HIC1: variants seen among roughly 807,000 people sequenced by gnomAD.
The protein encoded by HIC1 is hypermethylated in cancer 1 protein.
A neutral mutation model predicts 26.4 loss-of-function variants in HIC1; 9 were observed. The observed-to-expected ratio is 0.34, with a 90% CI of 0.21 to 0.59. The LOEUF is 0.59. Ranked by LOEUF, HIC1 falls within the 20% of genes least tolerant of loss-of-function variation. The pLI is 0.82. For synonymous variants in HIC1, 631 were observed against 523.1 expected (o/e 1.21, Z -2.81); for missense variants, 965 against 1,075.7 (o/e 0.90, Z 1.44).
chr17:2,058,655 G>C lies in HIC1; in HGVS notation c.1965G>C (p.Leu655=). 6.4e-7 allele frequency: 1 copy of C among 1,564,044 alleles called. No individual in the cohort carries two copies. Among genetic ancestry groups the C allele is most frequent in the Non-Finnish European group, 8.6e-7 (1 of 1,161,190 alleles). The part of the protein sequence containing the change: ...QQDKAAAAEL[L]AQTTHFLHDP... The stretch of plus-strand genomic sequence containing the variant: ...ACAAGGCGGCCGCGGCCGAGCTGCT[G>C]GCGCAGACCACGCACTTCCTGCACG... Residue 655 remains leucine (L), a synonymous_variant, in exon 2 of 2, where the codon CTG becomes CTC. Coordinates refer to ENST00000619757, the MANE Select transcript of HIC1 (RefSeq NM_006497.4).
At position 2,057,879 on chromosome 17, in the gene HIC1, C is replaced by T; in HGVS notation, c.1189C>T (p.Leu397Phe). ...SEDPSPPGGH[L>F]EGYPCPHLAY... ...GGACCCCAGCCCGCCTGGCGGCCAC[C>T]TCGAGGGCTACCCATGCCCGCACCT... The change falls in exon 2 of 2, where the codon CTC becomes TTC. Residue 397 changes from leucine to phenylalanine, a missense_variant. Physicochemically the swap from Leu to Phe is conservative, Grantham distance 22 (BLOSUM62 0). Transcript: ENST00000619757. 1 of 1,599,464 alleles carries T rather than the reference C, an allele frequency of 6.3e-7. No homozygotes were observed. The highest frequency in any genetic ancestry group is 8.5e-7 in the Non-Finnish European group (1 of 1,173,812).
In HIC1 at chr17:2,058,711, C is replaced by G; in HGVS notation, c.2021C>G (p.Pro674Arg). 2 of 1,539,626 alleles carry G rather than the reference C, an allele frequency of 1.3e-6. No individual in the cohort carries two copies. Among genetic ancestry groups the G allele is most frequent in the Non-Finnish European group, 1.7e-6 (2 of 1,147,202 alleles). The change falls in exon 2 of 2, where the codon CCG (proline) becomes CGG (arginine). Residue 674 changes from proline (P) to arginine (R), a missense_variant. Coordinates refer to ENST00000619757, the MANE Select transcript of HIC1 (RefSeq NM_006497.4). ...DPKVALESLY[P>R]LAKFTAELGL... ...AAGGTGGCGCTGGAGAGCCTCTACCCGCTGGCCAAGTTCACGGCCGAGCTG... is the reference window on the plus strand; with the variant it reads ...AAGGTGGCGCTGGAGAGCCTCTACCGGCTGGCCAAGTTCACGGCCGAGCTG...
At position 2,061,370 on chromosome 17, in the gene HIC1, A is replaced by G; in HGVS notation, c.*2535A>G. ...GCATGGCCGTGGCGTGGGTTGGAAG[A>G]GGATGGTTTATTGTCTGGGTGGATT... is the stretch of plus-strand genomic sequence containing the variant. On this transcript the variant is annotated 3_prime_UTR_variant, in exon 2 of 2. Coordinates refer to ENST00000619757, the MANE Select transcript of HIC1 (RefSeq NM_006497.4). 1.0e-6 allele frequency: 1 copy of G among 976,132 alleles called. No individual in the cohort carries two copies. Among genetic ancestry groups the G allele is most frequent in the Non-Finnish European group, 1.5e-6 (1 of 667,960 alleles). The allele number at this position is 976,132 out of a possible 1,614,324, so 60.5% of individuals were successfully genotyped here. A position where few individuals can be genotyped will look rare whatever the true frequency, so the allele number is the denominator to read the frequency against.
Position 2,059,003 on chromosome 17 carries a change from T to C in HIC1, c.*168T>C, listed in dbSNP as rs1445820067. ...CACCTGGCCTCACTGCTTCGTGCCTTAGCTCGGGGGTCGGGGGAGAACCCC... is the reference window on the plus strand; with the variant it reads ...CACCTGGCCTCACTGCTTCGTGCCTCAGCTCGGGGGTCGGGGGAGAACCCC... On this transcript the variant is annotated 3_prime_UTR_variant, in exon 2 of 2. Transcript: ENST00000619757. 3.6e-6 allele frequency: 2 copies of C among 562,412 alleles called. No individual in the cohort carries two copies. Among genetic ancestry groups the C allele is most frequent in the African/African-American group, 4.0e-5 (2 of 50,028 alleles). 34.8% of individuals were successfully genotyped at this position (562,412 alleles called of 1,614,324 possible). A position where few individuals can be genotyped will look rare whatever the true frequency, so the allele number is the denominator to read the frequency against.
Position 2,057,234 on chromosome 17 carries a change from G to A in HIC1, c.544G>A (p.Ala182Thr). 4.9e-6 allele frequency: 7 copies of A among 1,420,352 alleles called. No individual in the cohort carries two copies. Among genetic ancestry groups the A allele is most frequent in the Non-Finnish European group, 6.4e-6 (7 of 1,090,592 alleles). The allele number at this position is 1,420,352 out of a possible 1,614,324, so 88.0% of individuals were successfully genotyped here. ...SPVGPPPPPA[A>T]EPPSGPEAAV... is the part of the protein sequence containing the mutation. Reference sequence around the variant, plus strand: ...AGTCGGGCCTCCGCCGCCGCCTGCCGCGGAGCCGCCCTCGGGCCCAGAGGC... The same window carrying A: ...AGTCGGGCCTCCGCCGCCGCCTGCCACGGAGCCGCCCTCGGGCCCAGAGGC... Residue 182 changes from alanine (A) to threonine (T), a missense_variant, in exon 2 of 2, where the codon GCG (alanine) becomes ACG (threonine). Around this residue, in one of 6 missense-constraint regions of HIC1, gnomAD observed 526 missense variants for 525.0 expected, o/e 1.00. Transcript: ENST00000619757.
chr17:2,055,400 C>T lies in HIC1; in HGVS notation c.-21+162C>T, dbSNP rs548902819. 6.9e-6 allele frequency among the ~76,000 whole-genome samples: 1 copy of T among 145,522 alleles called. No individual in the cohort carries two copies. The highest frequency in any genetic ancestry group is 2.4e-4 in the East Asian group (1 of 4,172). ...TCGTCCCTTTCGGACTCAGGACCACCGGGCCGCGGCTCCGCGCCGGGTTCA... is the reference window on the plus strand; with the variant it reads ...TCGTCCCTTTCGGACTCAGGACCACTGGGCCGCGGCTCCGCGCCGGGTTCA... On this transcript the variant is annotated intron_variant, in intron 1 of 1. Transcript: ENST00000619757. The surrounding 1 kb of genome is among the most constrained non-coding windows in gnomAD (Gnocchi z 6.4).
Position 2,056,704 on chromosome 17 carries a change from T to C in HIC1, c.14T>C (p.Met5Thr). 1 of 1,602,422 alleles carries C rather than the reference T, an allele frequency of 6.2e-7. No homozygotes were observed. The highest frequency in any genetic ancestry group is 8.5e-7 in the Non-Finnish European group (1 of 1,173,952). ...GCTGGGCAGACGATGCTGGACACGA[T>C]GGAGGCGCCCGGCCACTCCAGGCAG... Reference protein sequence around the residue: MLDTMEAPGHSRQLL... With the variant: MLDTTEAPGHSRQLL... Residue 5 changes from methionine (M) to threonine (T), a missense_variant, in exon 2 of 2, where the codon ATG becomes ACG. This residue lies in a region of HIC1 where 64 missense variants were observed against 114.0 expected (regional missense o/e 0.56). Coordinates refer to ENST00000619757, the MANE Select transcript of HIC1 (RefSeq NM_006497.4).
At position 2,058,156 on chromosome 17, in the gene HIC1, G is replaced by C; in HGVS notation, c.1466G>C (p.Arg489Pro). The C allele has an allele frequency of 6.2e-7, 1 of 1,608,914 alleles. No homozygotes were observed. Among genetic ancestry groups the C allele is most frequent in the Non-Finnish European group, 8.5e-7 (1 of 1,179,574 alleles). ...CTGGGAGAGCTGCTGCGGCCCTACC[G>C]CTGCGCGTCGTGCGACAAGAGCTAC... ...GGLGELLRPYRCASCDKSYKD... is the reference protein window; with the variant it reads ...GGLGELLRPYPCASCDKSYKD... Residue 489 changes from arginine (R) to proline (P), a missense_variant, in exon 2 of 2, where the codon CGC becomes CCC. Physicochemically the swap from Arg to Pro is moderately radical, Grantham distance 103. Around this residue, in one of 6 missense-constraint regions of HIC1, gnomAD observed 105 missense variants for 101.4 expected, o/e 1.04. Coordinates refer to ENST00000619757, the MANE Select transcript of HIC1 (RefSeq NM_006497.4).
rs975985838 is a variant in HIC1, at chr17:2,063,063, T to C, written c.*4228T>C. Reference sequence around the variant, plus strand: ...TGGGGTGGTGGTATGCAGGGCTGTGTGGGGCTCCCAGCTGACTGGCTGCGT... The same window carrying C: ...TGGGGTGGTGGTATGCAGGGCTGTGCGGGGCTCCCAGCTGACTGGCTGCGT... On this transcript the variant is annotated 3_prime_UTR_variant, in exon 2 of 2. Transcript: ENST00000619757. 6 of 152,284 alleles carry C rather than the reference T, an allele frequency of 3.9e-5. No homozygotes were observed. Among genetic ancestry groups the C allele is most frequent in the African/African-American group, 1.4e-4 (6 of 41,510 alleles). The allele number at this position is 152,284 out of a possible 1,614,324, so 9.4% of individuals were successfully genotyped here. A position where few individuals can be genotyped will look rare whatever the true frequency, so the allele number is the denominator to read the frequency against.
At position 2,055,431 on chromosome 17, in the gene HIC1, G is replaced by A. The variant is rs2067662427; in HGVS notation, c.-21+193G>A. 6.6e-6 allele frequency among the ~76,000 whole-genome samples: 1 copy of A among 151,932 alleles called. No homozygotes were observed. Among genetic ancestry groups the A allele is most frequent in the Non-Finnish European group, 1.5e-5 (1 of 67,914 alleles). ...GCGGCTCCGCGCCGGGTTCACGGCG[G>A]GGTCAGCGGCCCGGGGCCGGCTCTG... On this transcript the variant is annotated intron_variant, in intron 1 of 1. Transcript: ENST00000619757. This position sits in a 1 kb window ranked among gnomAD's most constrained non-coding sequence, Gnocchi z 6.4.
rs1199664237 is a variant in HIC1, at chr17:2,055,716, C to T, written c.-21+478C>T. Among the ~76,000 whole-genome samples, 1 of 151,652 alleles carries T rather than the reference C, an allele frequency of 6.6e-6. No homozygotes were observed. The highest frequency in any genetic ancestry group is 2.4e-5 in the African/African-American group (1 of 41,366). ...GGGGAGCTCAGGGCTCGGCTCCGGG[C>T]TCTGCCGCCGGATTTGGGGGCCGCG... On this transcript the variant is annotated intron_variant, in intron 1 of 1. Transcript: ENST00000619757. The surrounding 1 kb of genome is among the most constrained non-coding windows in gnomAD (Gnocchi z 6.4).
In HIC1 at chr17:2,059,283, G is replaced by A. The variant is rs1376139755; in HGVS notation, c.*448G>A. 7 of 177,342 alleles carry A rather than the reference G, an allele frequency of 3.9e-5. No individual in the cohort carries two copies. Among genetic ancestry groups the A allele is most frequent in the African/African-American group, 2.4e-5 (1 of 41,884 alleles). The allele number at this position is 177,342 out of a possible 1,614,324, so 11.0% of individuals were successfully genotyped here. On this transcript the variant is annotated 3_prime_UTR_variant, in exon 2 of 2. Transcript: ENST00000619757. ...GTCGGGCAGAGTTGGGGAGTGGGGA[G>A]GGGACTGAGCCGGCCGGAGGGCCCC...
chr17:2,058,481 G>T lies in HIC1; in HGVS notation c.1791G>T (p.Gly597=). The change falls in exon 2 of 2, where the codon GGG becomes GGT. Residue 597 remains glycine (G), a synonymous_variant. Coordinates refer to ENST00000619757, the MANE Select transcript of HIC1 (RefSeq NM_006497.4). ...GCCACATGAAGATGCACGCCGTGGG[G>T]GGCGCGGCCGGCGCGGCCGGGGCGC... ...LISHMKMHAV[G]GAAGAAGALA... The T allele has an allele frequency of 6.7e-7, 1 of 1,503,394 alleles. No homozygotes were observed. Among genetic ancestry groups the T allele is most frequent in the Non-Finnish European group, 8.8e-7 (1 of 1,136,124 alleles). 93.1% of individuals were successfully genotyped at this position (1,503,394 alleles called of 1,614,324 possible).
At position 2,061,210 on chromosome 17, in the gene HIC1, G is replaced by C; in HGVS notation, c.*2375G>C. 2.7e-6 allele frequency: 1 copy of C among 372,234 alleles called. No homozygotes were observed. Among genetic ancestry groups the C allele is most frequent in the Non-Finnish European group, 5.1e-6 (1 of 196,892 alleles). The allele number at this position is 372,234 out of a possible 1,614,324, so 23.1% of individuals were successfully genotyped here. A position where few individuals can be genotyped will look rare whatever the true frequency, so the allele number is the denominator to read the frequency against. The stretch of plus-strand genomic sequence containing the variant: ...GGGAGGGAGAAAGGCTGAGAGCATG[G>C]GCGGCCTATCTGGCTTGCCCAGCTG... On this transcript the variant is annotated 3_prime_UTR_variant, in exon 2 of 2. Transcript: ENST00000619757.
chr17:2,057,189 C>T lies in HIC1; in HGVS notation c.499C>T (p.Gln167Ter). 7.3e-7 allele frequency: 1 copy of T among 1,373,840 alleles called. No homozygotes were observed. The allele number at this position is 1,373,840 out of a possible 1,614,324, so 85.1% of individuals were successfully genotyped here. ...CCTGCGGGCCGCCACGCCGGTCATC[C>T]AGGCCTGCTACCCGTCCCCAGTCGG... Reference protein sequence around the residue: ...RGLRAATPVIQACYPSPVGPP... With the variant: ...RGLRAATPVI Residue 167 changes from glutamine to a stop codon, truncating the protein, a stop_gained, in exon 2 of 2, where the codon CAG becomes TAG. Coordinates refer to ENST00000619757, the MANE Select transcript of HIC1 (RefSeq NM_006497.4). LOFTEE classifies it low-confidence loss of function (END_TRUNC).
chr17:2,057,737 G>C lies in HIC1; in HGVS notation c.1047G>C (p.Gly349=). The change falls in exon 2 of 2, where the codon GGG becomes GGC. Residue 349 remains glycine (G), a synonymous_variant. Coordinates refer to ENST00000619757, the MANE Select transcript of HIC1 (RefSeq NM_006497.4). ...GTGGGGACGCGGCCGTCTCGCCCGG[G>C]GGGCCCCCGCTCGGCCTGGCGCCGC... ...ERGGDAAVSP[G]GPPLGLAPPP... The C allele has an allele frequency of 2.1e-6, 3 of 1,395,914 alleles. No individual in the cohort carries two copies. Among genetic ancestry groups the C allele is most frequent in the Non-Finnish European group, 2.8e-6 (3 of 1,082,470 alleles). 86.5% of individuals were successfully genotyped at this position (1,395,914 alleles called of 1,614,324 possible).
Position 2,058,162 on chromosome 17 carries a change from C to G in HIC1, c.1472C>G (p.Ala491Gly), listed in dbSNP as rs1340637403. The G allele has an allele frequency of 3.7e-6, 6 of 1,609,374 alleles. No homozygotes were observed. The highest frequency in any genetic ancestry group is 5.1e-6 in the Non-Finnish European group (6 of 1,179,644). The change falls in exon 2 of 2, where the codon GCG becomes GGG. Residue 491 changes from alanine to glycine, a missense_variant. Physicochemically the swap from Ala to Gly is moderately conservative, Grantham distance 60. This residue lies in a region of HIC1 where 105 missense variants were observed against 101.4 expected (regional missense o/e 1.04). Coordinates refer to ENST00000619757, the MANE Select transcript of HIC1 (RefSeq NM_006497.4). ...GAGCTGCTGCGGCCCTACCGCTGCGCGTCGTGCGACAAGAGCTACAAGGAC... is the reference window on the plus strand; with the variant it reads ...GAGCTGCTGCGGCCCTACCGCTGCGGGTCGTGCGACAAGAGCTACAAGGAC... ...LGELLRPYRC[A>G]SCDKSYKDPA...
rs1318091358 is a variant in HIC1, at chr17:2,062,818, G to C, written c.*3983G>C. On this transcript the variant is annotated 3_prime_UTR_variant, in exon 2 of 2. Transcript: ENST00000619757. ...CTCAGGCTTGCCAGCTCCAGGCAGG[G>C]AGGCTGAGAACTGGCTTTCAGCCTG... 6.6e-6 allele frequency: 1 copy of C among 152,386 alleles called. No homozygotes were observed. The highest frequency in any genetic ancestry group is 2.1e-4 in the South Asian group (1 of 4,840). 9.4% of individuals were successfully genotyped at this position (152,386 alleles called of 1,614,324 possible). A position where few individuals can be genotyped will look rare whatever the true frequency, so the allele number is the denominator to read the frequency against.
Position 2,057,743 on chromosome 17 carries a change from C to A in HIC1, c.1053C>A (p.Pro351=), listed in dbSNP as rs1180337353. 2.2e-6 allele frequency: 3 copies of A among 1,385,858 alleles called. No homozygotes were observed. The African/African-American group carries it at 4.6e-5, about 21-fold the overall frequency. 85.8% of individuals were successfully genotyped at this position (1,385,858 alleles called of 1,614,324 possible). ...ACGCGGCCGTCTCGCCCGGGGGGCCCCCGCTCGGCCTGGCGCCGCCGCCGC... is the reference window on the plus strand; with the variant it reads ...ACGCGGCCGTCTCGCCCGGGGGGCCACCGCTCGGCCTGGCGCCGCCGCCGC... The part of the protein sequence containing the change: ...GGDAAVSPGG[P]PLGLAPPPRY... Residue 351 remains proline (P), a synonymous_variant, in exon 2 of 2, where the codon CCC becomes CCA. Coordinates refer to ENST00000619757, the MANE Select transcript of HIC1 (RefSeq NM_006497.4).
Sources: allele counts gnomAD v4.1 joint callset (sites outside exome capture counted in the v4.1 genomes callset), GRCh38; gene constraint gnomAD v4.1.1; regional missense constraint gnomAD v4.1.1; non-coding constraint Gnocchi (gnomAD v3.1); transcripts MANE v1.5; gene names NCBI Gene and HGNC (gene_info 2026-07-23, HGNC 2026-07-21).